Variants in ATRNL1 observed in about 807,000 individuals in gnomAD.
ATRNL1 encodes attractin like 1.
In ATRNL1, 95 loss-of-function variants were observed where a neutral mutation model predicts 182.7. The observed-to-expected ratio is 0.52, with a 90% CI of 0.44 to 0.62. ATRNL1 has a LOEUF of 0.62. Ranked by LOEUF, ATRNL1 falls within the 20% of genes least tolerant of loss-of-function variation. The pLI is 0.00. For synonymous variants in ATRNL1, 576 were observed against 568.3 expected (o/e 1.01, Z -0.19); for missense variants, 1,471 against 1,679.5 (o/e 0.88, Z 2.17).
chr10:115,713,477 G>T (rs10885784), intron 26 of ATRNL1, among the ~76,000 whole-genome samples: 49,955 of 148,590 alleles, frequency 0.34, 9,643 homozygotes, highest in East Asian at 0.52. Flanking sequence ...TTGTGTGTGT[G>T]TCTGTGTGAA....
At chr10:115,746,573 G>A (rs1464141871) in intron 27 of ATRNL1, among the ~76,000 whole-genome samples, 1 of 151,866 alleles carries the variant, frequency 6.6e-6, no homozygotes, top group Non-Finnish European at 1.5e-5. Flanking sequence ...AACAATATTG[G>A]CCCCTATTTT....
chr10:115,795,289 T>C (rs1949625098), intron 27 of ATRNL1, among the ~76,000 whole-genome samples: 1 of 152,228 alleles, frequency 6.6e-6, no homozygotes. Context: ...TGAGTTTATA[T>C]AAATGGCTAA....
intron 26 of ATRNL1, among the ~76,000 whole-genome samples, chr10:115,572,783 G>C (rs572369624): frequency 6.6e-6 from 1 of 152,262 alleles, no homozygotes; most frequent in East Asian, 1.9e-4. Context: ...GTTAAATACT[G>C]TTTGTCAGGG....
intron 25 of ATRNL1, among the ~76,000 whole-genome samples, chr10:115,540,743 G>C (rs1000529296): frequency 1.5e-5 from 2 of 130,652 alleles, no homozygotes; most frequent in African/African-American, 3.1e-5. Flanking sequence ...GGCAACAAGA[G>C]CAAAACTCCG....
chr10:115,414,056 C>G (rs1554960400), intron 20 of ATRNL1, among the ~76,000 whole-genome samples: 1 of 152,096 alleles, frequency 6.6e-6, no homozygotes, highest in South Asian at 2.1e-4. Flanking sequence ...CCTTCTCCGG[C>G]TCAGTATTTG....
intron 26 of ATRNL1, among the ~76,000 whole-genome samples, chr10:115,658,189 G>C (rs1248947532): frequency 7.1e-6 from 1 of 141,764 alleles, no homozygotes; most frequent in Admixed American, 7.7e-5. Context: ...TCTGCCTCCT[G>C]GTTTCACGCC....
intron 8 of ATRNL1, among the ~76,000 whole-genome samples, chr10:115,180,603 A>G (rs1443117538): frequency 2.0e-5 from 3 of 151,964 alleles, no homozygotes; most frequent in African/African-American, 7.2e-5. Flanking sequence ...TCCAGCAGAA[A>G]GATGAAATAT....
intron 27 of ATRNL1, among the ~76,000 whole-genome samples, chr10:115,770,120 A>G (rs1948951682): frequency 6.6e-6 from 1 of 152,008 alleles, no homozygotes. Context: ...TCTAGGTTAT[A>G]CTATTACCTG....
At chr10:115,939,071 G>C (rs193014404) in intron 28 of ATRNL1, among the ~76,000 whole-genome samples, 2 of 152,322 alleles carry the variant, frequency 1.3e-5, no homozygotes, top group Admixed American at 6.5e-5. Context: ...TAGCTTGATT[G>C]ACTCTTTCCA....
At chr10:115,166,152 C>T (rs1320287477) in intron 7 of ATRNL1, among the ~76,000 whole-genome samples, 1 of 152,042 alleles carries the variant, frequency 6.6e-6, no homozygotes, top group Non-Finnish European at 1.5e-5. Context: ...TGGGATTGTA[C>T]ATTATTTGTC....
At chr10:115,780,465 G>A (rs1949236559) in intron 27 of ATRNL1, among the ~76,000 whole-genome samples, 1 of 152,176 alleles carries the variant, frequency 6.6e-6, no homozygotes, top group African/African-American at 2.4e-5. Context: ...GACCTAGTGA[G>A]ACACTAGTCG....
chr10:115,748,822 C>T (rs1948366719), intron 27 of ATRNL1, among the ~76,000 whole-genome samples: 1 of 151,854 alleles, frequency 6.6e-6, no homozygotes, highest in Non-Finnish European at 1.5e-5. Flanking sequence ...GTTTAGCTTC[C>T]ATAGCAGCAA....
intron 26 of ATRNL1, among the ~76,000 whole-genome samples, chr10:115,583,776 T>G (rs1389806132): frequency 6.6e-6 from 1 of 150,744 alleles, no homozygotes; most frequent in Non-Finnish European, 1.5e-5. Context: ...GGCCAGAACT[T>G]CCAACACTAT....
At chr10:115,389,546 A>ATATATATATATG (rs1478638383) in intron 19 of ATRNL1, among the ~76,000 whole-genome samples, 376 of 16,380 alleles carry the variant, frequency 0.023, 46 homozygotes, top group Non-Finnish European at 0.038. Flanking sequence ...ATGTGTATAT[A>ATATATATATATG]TATATATATA....
intron 28 of ATRNL1, among the ~76,000 whole-genome samples, chr10:115,894,432 T>TA (rs1420401827): frequency 1.3e-5 from 2 of 152,172 alleles, no homozygotes; most frequent in Non-Finnish European, 1.5e-5. Flanking sequence ...GTAATGTATG[T>TA]AGGGCAGGGA....
intron 26 of ATRNL1, among the ~76,000 whole-genome samples, chr10:115,682,202 C>G (rs1946068095): frequency 6.8e-6 from 1 of 147,312 alleles, no homozygotes; most frequent in Admixed American, 6.7e-5. Context: ...GGCAAATTGC[C>G]TTAGGATCCT....
At chr10:115,664,870 G>T (rs73377526) in intron 26 of ATRNL1, among the ~76,000 whole-genome samples, 11,607 of 152,008 alleles carry the variant, frequency 0.076, 727 homozygotes, top group African/African-American at 0.17. Context: ...CAGGATCAGG[G>T]TCACCTTGCC....
intron 27 of ATRNL1, among the ~76,000 whole-genome samples, chr10:115,815,995 G>A (rs914171515): frequency 2.6e-5 from 4 of 152,200 alleles, no homozygotes; most frequent in African/African-American, 9.6e-5. Flanking sequence ...TATGTTCTCT[G>A]CAAACACTGT....
rs115144773 is a variant in ATRNL1 at position 115,497,236 on chromosome 10, G to A, written c.3655-22027G>A. On this transcript the variant is annotated intron_variant, in intron 24 of 28. Transcript: ENST00000355044. Reference sequence around the variant, plus strand: ...GATCAGTTTGGTTCTTTCTTATAACGGCCATTTTATCTATCGGCTCCTGCA... The same window carrying A: ...GATCAGTTTGGTTCTTTCTTATAACAGCCATTTTATCTATCGGCTCCTGCA... Among the ~76,000 whole-genome samples, 1,508 of 152,064 alleles carry A rather than the reference G, an allele frequency of 9.9e-3. 20 individuals are homozygous for A. The highest frequency in any genetic ancestry group is 0.033 in the African/African-American group (1,384 of 41,476).
Sources: gnomAD v4.1 joint callset for allele counts (sites outside exome capture counted in the v4.1 genomes callset) on GRCh38, gnomAD v4.1.1 for gene constraint, MANE v1.5 for transcripts, NCBI Gene and HGNC (gene_info 2026-07-23, HGNC 2026-07-21) for gene names.